ATXN10: variants seen among roughly 807,000 people sequenced by gnomAD.
ATXN10 encodes ataxin-10.
ATXN10 carries 28 observed loss-of-function variants against 52.9 expected under a neutral mutation model. The observed-to-expected ratio is 0.53, with a 90% CI of 0.39 to 0.73. The LOEUF is 0.73. Among genes scored for constraint, ATXN10 ranks in the 30% least tolerant of loss-of-function variants. The pLI, the probability that ATXN10 is intolerant of heterozygous loss-of-function variation, is 0.00. For missense variants in ATXN10, 565 were observed against 577.0 expected (o/e 0.98, Z 0.21); for synonymous variants, 226 against 221.5 (o/e 1.02, Z -0.18).
chr22:45,802,817 C>CT (rs914936899), intron 9 of ATXN10, among the ~76,000 whole-genome samples: 12 of 151,356 alleles, frequency 7.9e-5, no homozygotes, highest in South Asian at 2.1e-4. Flanking sequence ...AAGAGTTCTA[C>CT]TTTTTTTTTG....
chr22:45,705,481 T>C lies in ATXN10; in HGVS notation c.647+2634T>C, dbSNP rs954428514. Among the ~76,000 whole-genome samples the C allele has an allele frequency of 6.6e-6, 1 of 152,104 alleles. No homozygotes were observed. Among genetic ancestry groups the C allele is most frequent in the African/African-American group, 2.4e-5 (1 of 41,430 alleles). ...CGGAGTCTCACTCTGTTGCCCAGGC[T>C]GGAGTGCAGTGGTGCGATCTCGGCT... On this transcript the variant is annotated intron_variant, in intron 5 of 11. Coordinates refer to ENST00000252934, the MANE Select transcript of ATXN10 (RefSeq NM_013236.4). This position sits in a 1 kb window ranked among gnomAD's most constrained non-coding sequence, Gnocchi z 5.2.
chr22:45,793,926 G>T, intron 9 of ATXN10: 1 of 1,180,510 alleles, frequency 8.5e-7, no homozygotes, highest in Non-Finnish European at 1.1e-6. Flanking sequence ...TGCAGAGCAG[G>T]GCTGCCCTAT....
At chr22:45,714,761 A>G (rs112995652) in intron 5 of ATXN10, among the ~76,000 whole-genome samples, 112 of 152,290 alleles carry the variant, frequency 7.4e-4, no homozygotes, top group African/African-American at 2.1e-3. Flanking sequence ...TGTGTTCCGT[A>G]GTTTTGATAA....
rs1309339231 is a variant in ATXN10 at position 45,775,541 on chromosome 22, A to G, written c.1174-31418A>G. ...AGTTATTCTGTAGTGTCTCAGTTTTATTAAAATGCAGTTAATATTGGAAAA... is the reference window on the plus strand; with the variant it reads ...AGTTATTCTGTAGTGTCTCAGTTTTGTTAAAATGCAGTTAATATTGGAAAA... On this transcript the variant is annotated intron_variant, in intron 9 of 11. Transcript: ENST00000252934. This position sits in a 1 kb window ranked among gnomAD's most constrained non-coding sequence, Gnocchi z 4.7. 6.6e-6 allele frequency among the ~76,000 whole-genome samples: 1 copy of G among 152,186 alleles called. No individual in the cohort carries two copies. The highest frequency in any genetic ancestry group is 1.5e-5 in the Non-Finnish European group (1 of 68,038).
At position 45,766,789 on chromosome 22, in the gene ATXN10, A is replaced by G. The variant is rs935700429; in HGVS notation, c.1173+26251A>G. On this transcript the variant is annotated intron_variant, in intron 9 of 11. Transcript: ENST00000252934. This position sits in a 1 kb window ranked among gnomAD's most constrained non-coding sequence, Gnocchi z 4.6. Reference sequence around the variant, plus strand: ...ATCACAAACAGAAAGCCTAATATCCATAATACAAAGAGTTTCCAAAAATAA... The same window carrying G: ...ATCACAAACAGAAAGCCTAATATCCGTAATACAAAGAGTTTCCAAAAATAA... Among the ~76,000 whole-genome samples, 2 of 152,382 alleles carry G rather than the reference A, an allele frequency of 1.3e-5. No homozygotes were observed. The highest frequency in any genetic ancestry group is 1.9e-4 in the East Asian group (1 of 5,192).
Position 45,689,827 on chromosome 22 carries a change from C to T in ATXN10, c.232C>T (p.Leu78=), listed in dbSNP as rs753651607. 3 of 1,614,182 alleles carry T rather than the reference C, an allele frequency of 1.9e-6. No individual in the cohort carries two copies. In the South Asian group the frequency reaches 3.3e-5, roughly 18 times the overall value. Residue 78 remains leucine, a synonymous_variant, in exon 2 of 12, where the codon CTG becomes TTG. Transcript: ENST00000252934. ...PSQVENLASS[L]QLITECFRCL... ...CCAAGTGGAAAACCTGGCTTCCAGT[C>T]TGCAGTTAATAACAGAATGCTTCAG...
At chr22:45,806,516 T>C (rs1928104362) in intron 9 of ATXN10, among the ~76,000 whole-genome samples, 1 of 152,212 alleles carries the variant, frequency 6.6e-6, no homozygotes. Context: ...GAAAAACAAA[T>C]AGTCAAATTT....
At chr22:45,675,493 T>C (rs1002660063) in intron 1 of ATXN10, 1 of 152,308 alleles carries the variant, frequency 6.6e-6, no homozygotes, top group African/African-American at 2.4e-5. Context: ...TCCTCTTTGC[T>C]AGCTCTTTCT....
rs181954918 is a variant in ATXN10 at position 45,840,833 on chromosome 22, T to C, written c.1238-2158T>C. Among the ~76,000 whole-genome samples, 1 of 152,354 alleles carries C rather than the reference T, an allele frequency of 6.6e-6. No homozygotes were observed. The highest frequency in any genetic ancestry group is 2.4e-5 in the African/African-American group (1 of 41,588). The stretch of plus-strand genomic sequence containing the variant: ...ACCAGGACGTTTCAGAAAGGAGTGT[T>C]ATGCTTCTTTCATTTACCATTAGAG... On this transcript the variant is annotated intron_variant, in intron 10 of 11. Coordinates refer to ENST00000252934, the MANE Select transcript of ATXN10 (RefSeq NM_013236.4). This position sits in a 1 kb window ranked among gnomAD's most constrained non-coding sequence, Gnocchi z 5.8.
chr22:45,731,642 C>T (rs1925093180), intron 7 of ATXN10, among the ~76,000 whole-genome samples: 2 of 152,072 alleles, frequency 1.3e-5, no homozygotes, highest in South Asian at 4.2e-4. Context: ...TGTCCACAGG[C>T]GGGAATGTAG....
At chr22:45,793,437 A>G (rs528306912) in intron 9 of ATXN10, 13 of 534,486 alleles carry the variant, frequency 2.4e-5, no homozygotes, top group African/African-American at 7.8e-5. Context: ...AAGGGTAACA[A>G]TGGTAGCAGA....
At chr22:45,776,354 G>C (rs1019049552) in intron 9 of ATXN10, among the ~76,000 whole-genome samples, 1 of 152,088 alleles carries the variant, frequency 6.6e-6, no homozygotes, top group African/African-American at 2.4e-5. Context: ...TGTTTAAAAC[G>C]AAGATGATCA....
chr22:45,742,333 C>T (rs993907550), intron 9 of ATXN10, among the ~76,000 whole-genome samples: 6 of 152,160 alleles, frequency 3.9e-5, no homozygotes, highest in Admixed American at 2.0e-4. Context: ...AGATGATCAG[C>T]GGAGACTGAC....
intron 1 of ATXN10, 124 bp downstream of exon 1, chr22:45,672,303 C>T (rs1031320010): frequency 1.8e-6 from 2 of 1,084,202 alleles, no homozygotes; most frequent in African/African-American, 1.7e-5. Flanking sequence ...GAGGCCTGCG[C>T]GGGCTGCCTG....
At position 45,733,714 on chromosome 22, in the gene ATXN10, C is replaced by T. The variant is rs544846733; in HGVS notation, c.894+4124C>T. On this transcript the variant is annotated intron_variant, in intron 7 of 11. Coordinates refer to ENST00000252934, the MANE Select transcript of ATXN10 (RefSeq NM_013236.4). The surrounding 1 kb of genome is among the most constrained non-coding windows in gnomAD (Gnocchi z 4.4). ...GAGGTTGCTGTGAACTGAGATTGTG[C>T]CATTGCACTTCAGCCTGGGCGACAG... Among the ~76,000 whole-genome samples, 1 of 151,816 alleles carries T rather than the reference C, an allele frequency of 6.6e-6. No individual in the cohort carries two copies. Among genetic ancestry groups the T allele is most frequent in the South Asian group, 2.1e-4 (1 of 4,810 alleles).
rs1412566662 is a variant in ATXN10 at position 45,681,008 on chromosome 22, A to G, written c.117-8704A>G. 6.6e-6 allele frequency among the ~76,000 whole-genome samples: 1 copy of G among 152,056 alleles called. No individual in the cohort carries two copies. The highest frequency in any genetic ancestry group is 2.4e-5 in the African/African-American group (1 of 41,410). On this transcript the variant is annotated intron_variant, in intron 1 of 11. Transcript: ENST00000252934. The surrounding 1 kb of genome is among the most constrained non-coding windows in gnomAD (Gnocchi z 4.2). ...GGTGTGGTAGTTCTCCTTGATTGTC[A>G]TTGCTGCTTTCAGACCTTTTTCCTC... is the stretch of plus-strand genomic sequence containing the variant.
At position 45,827,234 on chromosome 22, in the gene ATXN10, AAAAAG is replaced by A. The variant is rs537932353; in HGVS notation, c.1238-15754_1238-15750del. ...ACTTAAACATTTCAGTACAAAAAAT[AAAAAG>A]AAGACAATAATGTAAGAAATAAGTT... On this transcript the variant is annotated intron_variant, in intron 10 of 11. Transcript: ENST00000252934. Among the ~76,000 whole-genome samples the A allele has an allele frequency of 2.0e-3, 302 of 152,286 alleles. 1 individual carries two copies. Among genetic ancestry groups the A allele is most frequent in the African/African-American group, 6.8e-3 (283 of 41,566 alleles).
chr22:45,803,454 C>A (rs1927993520), intron 9 of ATXN10, among the ~76,000 whole-genome samples: 1 of 152,162 alleles, frequency 6.6e-6, no homozygotes, highest in Admixed American at 6.5e-5. Flanking sequence ...TCTTGTGAGC[C>A]CCATGCTATA....
chr22:45,693,459 G>A (rs1923465194), intron 3 of ATXN10, among the ~76,000 whole-genome samples: 2 of 152,134 alleles, frequency 1.3e-5, no homozygotes, highest in Admixed American at 6.5e-5. Context: ...CTCTTGCTTT[G>A]TTCTCCTGTG....
Sources: gnomAD v4.1 joint callset for allele counts (sites outside exome capture counted in the v4.1 genomes callset) on GRCh38, gnomAD v4.1.1 for gene constraint, Gnocchi (gnomAD v3.1) non-coding constraint, MANE v1.5 for transcripts, NCBI Gene and HGNC (gene_info 2026-07-23, HGNC 2026-07-21) for gene names.